Variants in PRELID2 observed in about 807,000 individuals in gnomAD.
PRELID2 encodes PRELI domain-containing protein 2.
Under a neutral mutation model 28.4 loss-of-function variants are expected in PRELID2, and 25 were observed. The observed-to-expected ratio is 0.88, with a 90% CI of 0.64 to 1.23. PRELID2 has a LOEUF of 1.23. Among genes scored for constraint, PRELID2 ranks in the 50% most tolerant of loss-of-function variants. The probability of loss-of-function intolerance (pLI) is 0.00; values close to 1 mark genes in which losing one functional copy is unlikely to be tolerated. For synonymous variants in PRELID2, 76 were observed against 71.6 expected (o/e 1.06, Z -0.31); for missense variants, 201 against 214.4 (o/e 0.94, Z 0.39).
chr5:145,658,452 G>A (rs749430044), intron 1 of PRELID2, among the ~76,000 whole-genome samples: 3 of 152,190 alleles, frequency 2.0e-5, no homozygotes, highest in African/African-American at 4.8e-5. Context: ...CCCAGTTTTG[G>A]AGGTGGGGCC....
At chr5:145,427,313 A>T in the PRELID2 span, among the ~76,000 whole-genome samples, 1 of 152,226 alleles carries the variant, frequency 6.6e-6, no homozygotes, top group Non-Finnish European at 1.5e-5. Flanking sequence ...TAACCCTCTA[A>T]TGTAGTGTGT....
chr5:145,301,753 T>C, the PRELID2 span, among the ~76,000 whole-genome samples: 38 of 152,300 alleles, frequency 2.5e-4, no homozygotes, highest in African/African-American at 7.9e-4. Flanking sequence ...CTCATTAAAT[T>C]TCATTGGCAT....
At chr5:145,707,696 G>A (rs894824955) in intron 1 of PRELID2, among the ~76,000 whole-genome samples, 6 of 152,012 alleles carry the variant, frequency 3.9e-5, no homozygotes, top group African/African-American at 1.4e-4. Flanking sequence ...GAGAAATATT[G>A]GATCTTTTCA....
chr5:145,503,506 G>A (rs984918443), intron 1 of PRELID2, among the ~76,000 whole-genome samples: 3 of 151,202 alleles, frequency 2.0e-5, no homozygotes, highest in South Asian at 2.1e-4. Context: ...CATTTTCTAC[G>A]CATTTCCTCC....
rs1554085444 is a variant in PRELID2 at position 145,713,362 on chromosome 5, A to ATATG, written n.70+51568_70+51569insCATA. Among the ~76,000 whole-genome samples the ATATG allele has an allele frequency of 8.4e-5, 12 of 142,300 alleles. No homozygotes were observed. The Admixed American group carries it at 8.5e-4, about 10-fold the overall frequency. The allele number at this position is 142,300 out of a possible 152,430, so 93.4% of individuals were successfully genotyped here. ...ATGATATCTGACTTTATATATATAT[A>ATATG]TATATATACTTTACATTATATATAT... On this transcript the variant is annotated intron_variant and non_coding_transcript_variant, in intron 1 of 2. Transcript: ENST00000510259.
At chr5:145,318,104 C>T in the PRELID2 span, among the ~76,000 whole-genome samples, 1 of 152,060 alleles carries the variant, frequency 6.6e-6, no homozygotes, top group African/African-American at 2.4e-5. Context: ...ATTTATAGTA[C>T]ATTTTATTTA....
chr5:145,468,146 T>G (rs189913381), downstream of PRELID2, among the ~76,000 whole-genome samples: 271 of 152,270 alleles, frequency 1.8e-3, 5 homozygotes, highest in East Asian at 0.042. Context: ...AATTCCCACC[T>G]ATGAGTGAGA....
At chr5:145,681,653 AG>A (rs1407957871) in intron 1 of PRELID2, among the ~76,000 whole-genome samples, 1 of 152,184 alleles carries the variant, frequency 6.6e-6, no homozygotes, top group Non-Finnish European at 1.5e-5. Flanking sequence ...CATAAACGGT[AG>A]CTATTATTTG....
the PRELID2 span, among the ~76,000 whole-genome samples, chr5:145,237,643 G>A: frequency 6.6e-6 from 1 of 152,012 alleles, no homozygotes; most frequent in Non-Finnish European, 1.5e-5. Context: ...GTTTTCCCCT[G>A]TATCCATCAT....
chr5:145,406,977 C>T, the PRELID2 span, among the ~76,000 whole-genome samples: 12 of 152,130 alleles, frequency 7.9e-5, no homozygotes, highest in Admixed American at 1.3e-4. Flanking sequence ...TCATGGGGTT[C>T]CTTGAGGAAG....
intron 5 of PRELID2, among the ~76,000 whole-genome samples, chr5:145,781,148 A>G (rs1323938287): frequency 6.6e-6 from 1 of 152,090 alleles, no homozygotes; most frequent in African/African-American, 2.4e-5. Context: ...GAAGGATGAA[A>G]TTCTATCTTA....
chr5:145,643,962 G>T (rs1259326511), intron 1 of PRELID2, among the ~76,000 whole-genome samples: 1 of 152,078 alleles, frequency 6.6e-6, no homozygotes, highest in Non-Finnish European at 1.5e-5. Flanking sequence ...AGTGATATTG[G>T]CCTGAAATTT....
chr5:145,725,998 C>A (rs989068875), intron 1 of PRELID2, among the ~76,000 whole-genome samples: 1 of 151,932 alleles, frequency 6.6e-6, no homozygotes, highest in African/African-American at 2.4e-5. Context: ...GCTAGGGCAA[C>A]ATAGTGAGAC....
intron 1 of PRELID2, among the ~76,000 whole-genome samples, chr5:145,606,312 C>G (rs946239562): frequency 1.5e-4 from 23 of 152,070 alleles, no homozygotes; most frequent in African/African-American, 4.6e-4. Context: ...ATGTTGAATA[C>G]AAGTGGTGAG....
chr5:145,378,083 G>T, the PRELID2 span, among the ~76,000 whole-genome samples: 7 of 152,064 alleles, frequency 4.6e-5, no homozygotes, highest in African/African-American at 1.7e-4. Flanking sequence ...TTCTGGATTG[G>T]AATTTCTTTT....
the PRELID2 span, among the ~76,000 whole-genome samples, chr5:145,263,866 A>T: frequency 6.6e-6 from 1 of 151,946 alleles, no homozygotes; most frequent in South Asian, 2.1e-4. Flanking sequence ...AAAAAAAAAA[A>T]AAAGTCCAGG....
chr5:145,441,043 C>A, the PRELID2 span: 5 of 152,190 alleles, frequency 3.3e-5, no homozygotes, highest in East Asian at 3.9e-4. Context: ...ATGTCATCAG[C>A]ATATGGGAGT....
At chr5:145,282,755 G>T in the PRELID2 span, among the ~76,000 whole-genome samples, 1 of 152,108 alleles carries the variant, frequency 6.6e-6, no homozygotes. Context: ...CCAACCTCAG[G>T]TGATCTGCCT....
chr5:145,762,494 G>A (rs996806668), intron 6 of PRELID2, among the ~76,000 whole-genome samples: 24 of 151,754 alleles, frequency 1.6e-4, no homozygotes, highest in African/African-American at 5.8e-4. Flanking sequence ...CCGTGATTGC[G>A]CTACTGCACC....
Sources: allele counts gnomAD v4.1 joint callset (sites outside exome capture counted in the v4.1 genomes callset), GRCh38; gene constraint gnomAD v4.1.1; transcripts MANE v1.5; gene names NCBI Gene and HGNC (gene_info 2026-07-23, HGNC 2026-07-21).